The following SH3KBP1 variants were observed in gnomAD, a reference collection of about 807,000 sequenced individuals.
SH3KBP1 encodes SH3 domain-containing kinase-binding protein 1.
SH3KBP1 carries 8 observed loss-of-function variants against 50.1 expected under a neutral mutation model. The ratio of observed to expected loss-of-function variants is 0.16; its 90% CI spans 0.09 to 0.29. The LOEUF (loss-of-function observed/expected upper bound fraction) is 0.29, where lower values mean the gene tolerates loss of function less well. Ranked by LOEUF, SH3KBP1 falls within the 10% of genes least tolerant of loss-of-function variation. The probability of loss-of-function intolerance (pLI) is 1.00; values close to 1 mark genes in which losing one functional copy is unlikely to be tolerated. For synonymous variants in SH3KBP1, 227 were observed against 218.6 expected (o/e 1.04, Z -0.34); for missense variants, 377 against 535.2 (o/e 0.70, Z 2.92).
intron 12 of SH3KBP1, among the ~76,000 whole-genome samples, 179 bp from the exon 13 acceptor site, chrX:19,569,367 C>A (rs2065939061): frequency 1.8e-5 from 2 of 112,283 alleles, no homozygotes; most frequent in Admixed American, 1.9e-4. Context: ...TGCAGACCAG[C>A]TGACAGGCTG....
chrX:19,666,845 G>A lies in SH3KBP1; in HGVS notation c.726+16978C>T, dbSNP rs146650888. 1.9e-3 allele frequency among the ~76,000 whole-genome samples: 216 copies of A among 111,691 alleles called. 1 individual carries two copies. Among genetic ancestry groups the A allele is most frequent in the Middle Eastern group, 0.014 (3 of 215 alleles). ...CTATGATCCAGCAATTCTACTTCTG[G>A]AGATATATCTAAAAAATTGAAAGCA... On this transcript the variant is annotated intron_variant, in intron 6 of 17. Transcript: ENST00000397821.
intron 6 of SH3KBP1, among the ~76,000 whole-genome samples, chrX:19,676,958 G>A (rs1043678549): frequency 8.9e-6 from 1 of 112,362 alleles, no homozygotes; most frequent in Non-Finnish European, 1.9e-5. Flanking sequence ...GGAAGACCAT[G>A]GGAAAGAAGC....
chrX:19,722,194 T>C (rs1189352912), intron 3 of SH3KBP1, among the ~76,000 whole-genome samples: 1 of 111,857 alleles, frequency 8.9e-6, no homozygotes, highest in Non-Finnish European at 1.9e-5. Flanking sequence ...CGTGGCACGG[T>C]GCTCATGAAG....
At chrX:19,866,116 G>A (rs780276401) in intron 1 of SH3KBP1, among the ~76,000 whole-genome samples, 1 of 111,847 alleles carries the variant, frequency 8.9e-6, no homozygotes, top group Non-Finnish European at 1.9e-5. Flanking sequence ...CAGGATGAGA[G>A]CCCTGCTGCA....
At chrX:19,574,941 C>T (rs1186543642) in intron 12 of SH3KBP1, among the ~76,000 whole-genome samples, 1 of 111,926 alleles carries the variant, frequency 8.9e-6, no homozygotes, top group East Asian at 2.8e-4. Context: ...TTAGAAGAGG[C>T]CTCAGAAGAA....
intron 2 of SH3KBP1, among the ~76,000 whole-genome samples, chrX:19,798,114 C>G (rs1330185830): frequency 9.0e-6 from 1 of 111,138 alleles, no homozygotes; most frequent in Non-Finnish European, 1.9e-5. Flanking sequence ...CACAGGGTCT[C>G]ACTCCTATCA....
At chrX:19,706,049 C>T (rs1603062094) in intron 4 of SH3KBP1, among the ~76,000 whole-genome samples, 4 of 111,750 alleles carry the variant, frequency 3.6e-5, no homozygotes, top group African/African-American at 1.3e-4. Flanking sequence ...CTTCTAGCAT[C>T]ACCCCTGCCA....
intron 1 of SH3KBP1, among the ~76,000 whole-genome samples, chrX:19,851,344 C>T (rs910469502): frequency 5.1e-4 from 57 of 112,030 alleles, no homozygotes; most frequent in Non-Finnish European, 1.1e-4. Flanking sequence ...ATGCAACACA[C>T]GAATCCAGAT....
chrX:19,767,124 C>T (rs142868324), intron 2 of SH3KBP1, among the ~76,000 whole-genome samples: 7 of 112,162 alleles, frequency 6.2e-5, no homozygotes, highest in Non-Finnish European at 1.1e-4. Flanking sequence ...TAGCAATTGT[C>T]ATTAACATAA....
At chrX:19,822,371 A>G (rs2067553116) in intron 2 of SH3KBP1, among the ~76,000 whole-genome samples, 1 of 111,966 alleles carries the variant, frequency 8.9e-6, no homozygotes, top group Non-Finnish European at 1.9e-5. Context: ...ACTATTTTCT[A>G]TCTGTTGTTC....
chrX:19,782,676 T>A (rs1477121244), intron 2 of SH3KBP1, among the ~76,000 whole-genome samples: 1 of 112,201 alleles, frequency 8.9e-6, no homozygotes, highest in Non-Finnish European at 1.9e-5. Flanking sequence ...TACCTCTCCA[T>A]AGCACAGCTG....
At chrX:19,550,911 C>A (rs2065219484) in intron 13 of SH3KBP1, among the ~76,000 whole-genome samples, 1 of 111,168 alleles carries the variant, frequency 9.0e-6, no homozygotes, top group African/African-American at 3.3e-5. Flanking sequence ...CAGTTTTAAT[C>A]AGATATTCTT....
intron 7 of SH3KBP1, among the ~76,000 whole-genome samples, chrX:19,642,299 C>T (rs752470938): frequency 2.7e-5 from 3 of 111,909 alleles, no homozygotes; most frequent in Non-Finnish European, 5.6e-5. Flanking sequence ...GATACAGCCT[C>T]AACCTAGAGG....
At chrX:19,583,941 TTTATAA>T (rs1387561875) in intron 12 of SH3KBP1, among the ~76,000 whole-genome samples, 1 of 97,801 alleles carries the variant, frequency 1.0e-5, no homozygotes, top group Non-Finnish European at 2.0e-5. Flanking sequence ...TATATTTATA[TTTATAA>T]ATATATATTG....
At chrX:19,809,955 C>T (rs1387224226) in intron 2 of SH3KBP1, among the ~76,000 whole-genome samples, 1 of 112,581 alleles carries the variant, frequency 8.9e-6, no homozygotes, top group Non-Finnish European at 1.9e-5. Context: ...TTAAATAATT[C>T]ACTATCTCAG....
At chrX:19,845,162 G>A (rs1390838428) in intron 1 of SH3KBP1, among the ~76,000 whole-genome samples, 1 of 108,947 alleles carries the variant, frequency 9.2e-6, no homozygotes, top group Admixed American at 9.8e-5. Flanking sequence ...AAAGAATGGA[G>A]AAAGTGGGCA....
chrX:19,539,952 C>G (rs2064834202), intron 16 of SH3KBP1, among the ~76,000 whole-genome samples: 1 of 111,272 alleles, frequency 9.0e-6, no homozygotes, highest in Non-Finnish European at 1.9e-5. Context: ...GTGTGGCAGC[C>G]CGGAAGCACA....
intron 1 of SH3KBP1, among the ~76,000 whole-genome samples, chrX:19,851,610 C>G (rs1461320035): frequency 8.9e-6 from 1 of 112,833 alleles, no homozygotes; most frequent in Non-Finnish European, 1.9e-5. Context: ...GATCATGGCT[C>G]ACTACAGCCT....
chrX:19,579,463 G>A (rs1020087407), intron 12 of SH3KBP1, among the ~76,000 whole-genome samples: 3 of 112,085 alleles, frequency 2.7e-5, no homozygotes, highest in Non-Finnish European at 5.6e-5. Flanking sequence ...GCAGGGTGCC[G>A]TGTGGAGGAA....
Sources: allele counts gnomAD v4.1 joint callset (sites outside exome capture counted in the v4.1 genomes callset), GRCh38; gene constraint gnomAD v4.1.1; transcripts MANE v1.5; gene names NCBI Gene and HGNC (gene_info 2026-07-23, HGNC 2026-07-21).